The following RIMS1 variants were observed in gnomAD, a reference collection of about 807,000 sequenced individuals.
RIMS1 encodes the protein regulating synaptic membrane exocytosis protein 1.
Under a neutral mutation model 214.1 loss-of-function variants are expected in RIMS1, and 83 were observed. The observed-to-expected ratio is 0.39, with a 90% confidence interval of 0.32 to 0.47. The LOEUF is 0.47. Ranked by LOEUF, RIMS1 falls within the 20% of genes least tolerant of loss-of-function variation. RIMS1 has a pLI of 0.99. For synonymous variants in RIMS1, 793 were observed against 786.8 expected (o/e 1.01, Z -0.13); for missense variants, 2,050 against 2,161.8 (o/e 0.95, Z 1.03).
intron 28 of RIMS1, among the ~76,000 whole-genome samples, chr6:72,329,902 T>A (rs897713624): frequency 1.4e-4 from 21 of 151,876 alleles, no homozygotes; most frequent in African/African-American, 4.1e-4. Flanking sequence ...GATACGTCAG[T>A]TGACAGCTGG....
chr6:72,260,985 A>C, intron 19 of RIMS1: 7 of 1,331,808 alleles, frequency 5.3e-6, no homozygotes, highest in South Asian at 1.5e-5. Flanking sequence ...TAGATTCAAA[A>C]ATCCAGAGAC....
chr6:72,267,687 G>A (rs1325768583), intron 22 of RIMS1, among the ~76,000 whole-genome samples: 1 of 152,090 alleles, frequency 6.6e-6, no homozygotes, highest in Admixed American at 6.6e-5. Context: ...GGACAGTGCA[G>A]GTCTATTCTT....
At chr6:72,250,301 C>A (rs1211617331) in intron 12 of RIMS1, 29 bp from the exon 13 acceptor site, 4 of 1,574,274 alleles carry the variant, frequency 2.5e-6, no homozygotes, top group Non-Finnish European at 3.4e-6. Flanking sequence ...ATGATTTTTA[C>A]AAATAATTCC....
chr6:72,149,569 C>T (rs1346138569), intron 4 of RIMS1, among the ~76,000 whole-genome samples: 1 of 152,134 alleles, frequency 6.6e-6, no homozygotes, highest in East Asian at 1.9e-4. Context: ...ACATCCTGTC[C>T]TCTGTAGCCA....
intron 2 of RIMS1, among the ~76,000 whole-genome samples, chr6:71,988,202 A>G (rs1800590159): frequency 6.6e-6 from 1 of 152,122 alleles, no homozygotes; most frequent in Non-Finnish European, 1.5e-5. Flanking sequence ...ATCAAGATTC[A>G]TGCTAGCCTG....
intron 29 of RIMS1, among the ~76,000 whole-genome samples, chr6:72,352,065 T>C (rs1594835432): frequency 6.6e-6 from 1 of 152,200 alleles, no homozygotes; most frequent in East Asian, 1.9e-4. Flanking sequence ...ATGGGGCATG[T>C]CATTGAAGTT....
At chr6:72,012,499 A>T (rs1439386241) in intron 2 of RIMS1, among the ~76,000 whole-genome samples, 1 of 152,186 alleles carries the variant, frequency 6.6e-6, no homozygotes, top group East Asian at 1.9e-4. Flanking sequence ...TGAAAAAATT[A>T]TGAAGTTGAA....
chr6:71,918,410 T>A (rs1201160960), intron 1 of RIMS1, among the ~76,000 whole-genome samples: 2 of 152,148 alleles, frequency 1.3e-5, no homozygotes, highest in Admixed American at 6.6e-5. Context: ...CCTGCTGAAT[T>A]AGACACTGTG....
At chr6:71,913,662 G>T (rs182748581) in intron 1 of RIMS1, among the ~76,000 whole-genome samples, 1 of 152,144 alleles carries the variant, frequency 6.6e-6, no homozygotes, top group East Asian at 1.9e-4. Context: ...GTAAAGAAAA[G>T]AACACTTCTA....
intron 4 of RIMS1, among the ~76,000 whole-genome samples, chr6:72,144,994 C>T (rs984287562): frequency 3.3e-5 from 5 of 151,786 alleles, no homozygotes; most frequent in South Asian, 2.1e-4. Flanking sequence ...AAGTGATTCT[C>T]CTGCCTCAGC....
At chr6:71,929,918 G>C (rs1782569859) in intron 1 of RIMS1, among the ~76,000 whole-genome samples, 2 of 151,772 alleles carry the variant, frequency 1.3e-5, no homozygotes, top group Admixed American at 1.3e-4. Flanking sequence ...TTTCAGTCTA[G>C]TTTTGAGAAC....
chr6:72,242,245 AAAGAG>A, intron 9 of RIMS1, 64 bp from the exon 10 acceptor site: 3 of 1,262,342 alleles, frequency 2.4e-6, no homozygotes, highest in Non-Finnish European at 3.3e-6. Flanking sequence ...CTTTGTTAAA[AAAGAG>A]AAAAGATACG....
intron 4 of RIMS1, among the ~76,000 whole-genome samples, chr6:72,155,855 C>T (rs777841652): frequency 1.4e-5 from 2 of 140,176 alleles, no homozygotes; most frequent in African/African-American, 4.9e-5. Context: ...AACCATATCA[C>T]TGGCCCGTAG....
At chr6:72,309,078 TAG>T (rs1417880522) in intron 27 of RIMS1, among the ~76,000 whole-genome samples, 1 of 151,992 alleles carries the variant, frequency 6.6e-6, no homozygotes, top group Non-Finnish European at 1.5e-5. Flanking sequence ...TGAGGTCAAA[TAG>T]AACAGCAAGG....
chr6:71,943,618 G>T, intron 1 of RIMS1, among the ~76,000 whole-genome samples: 1 of 152,130 alleles, frequency 6.6e-6, no homozygotes, highest in East Asian at 1.9e-4. Context: ...CTGTTAGTGT[G>T]AATGCAGCAT....
At chr6:72,276,938 C>T (rs922765145) in intron 23 of RIMS1, among the ~76,000 whole-genome samples, 5 of 152,080 alleles carry the variant, frequency 3.3e-5, no homozygotes, top group African/African-American at 4.8e-5. Flanking sequence ...AGAATTTCAG[C>T]GTTAGGTGAC....
chr6:72,250,901 A>C lies in RIMS1; in HGVS notation c.2373-20A>C. ...AGCATGTACTTGCTTTTTCATTTAC[A>C]AAACATACTTATTTTTCAGTGATAA... On this transcript the variant is annotated intron_variant, in intron 13 of 33. Coordinates refer to ENST00000521978, the MANE Select transcript of RIMS1 (RefSeq NM_014989.7). The C allele has an allele frequency of 7.0e-7, 1 of 1,420,872 alleles. No homozygotes were observed. Among genetic ancestry groups the C allele is most frequent in the Non-Finnish European group, 9.4e-7 (1 of 1,061,674 alleles). 88.0% of individuals were successfully genotyped at this position (1,420,872 alleles called of 1,614,324 possible).
chr6:72,182,860 G>C lies in RIMS1; in HGVS notation c.1389G>C (p.Glu463Asp), dbSNP rs2048558315. Reference protein sequence around the residue: ...RHGPVPAEAPELKAQEPLRKQ... With the variant: ...RHGPVPAEAPDLKAQEPLRKQ... Reference sequence around the variant, plus strand: ...GGCCGGTTCCCGCAGAAGCCCCGGAGCTCAAAGCCCAGGAGCCCCTCAGGA... The same window carrying C: ...GGCCGGTTCCCGCAGAAGCCCCGGACCTCAAAGCCCAGGAGCCCCTCAGGA... Residue 463 changes from glutamate (E) to aspartate (D), a missense_variant, in exon 6 of 34, where the codon GAG (glutamate) becomes GAC (aspartate). By Grantham distance (45) the Glu-to-Asp change is conservative. Transcript: ENST00000521978. The C allele has an allele frequency of 6.4e-7, 1 of 1,558,388 alleles. No individual in the cohort carries two copies.
chr6:72,237,237 A>G (rs1370063865), intron 8 of RIMS1, among the ~76,000 whole-genome samples: 1 of 151,428 alleles, frequency 6.6e-6, no homozygotes, highest in Non-Finnish European at 1.5e-5. Flanking sequence ...GAGAAAAAAA[A>G]AAGGAAGGAA....
Sources: gnomAD v4.1 joint callset for allele counts (sites outside exome capture counted in the v4.1 genomes callset) on GRCh38, gnomAD v4.1.1 for gene constraint, MANE v1.5 for transcripts, NCBI Gene and HGNC (gene_info 2026-07-23, HGNC 2026-07-21) for gene names.